The following COL25A1 variants were observed in gnomAD, a reference collection of about 807,000 sequenced individuals.
The protein encoded by COL25A1 is collagen alpha-1(XXV) chain.
COL25A1 carries 103 observed loss-of-function variants against 128.4 expected under a neutral mutation model. The observed-to-expected ratio is 0.80, with a 90% CI of 0.68 to 0.94. The LOEUF (loss-of-function observed/expected upper bound fraction) is 0.94, where lower values mean the gene tolerates loss of function less well. COL25A1 is among the 40% of genes least tolerant of loss of function. The probability of loss-of-function intolerance (pLI) is 0.00; values close to 1 mark genes in which losing one functional copy is unlikely to be tolerated. For missense variants in COL25A1, 745 were observed against 840.0 expected (o/e 0.89, Z 1.40); for synonymous variants, 279 against 277.2 (o/e 1.01, Z -0.06).
intron 3 of COL25A1, among the ~76,000 whole-genome samples, chr4:109,115,786 G>T (rs1399161962): frequency 6.6e-6 from 1 of 152,032 alleles, no homozygotes; most frequent in Non-Finnish European, 1.5e-5. Flanking sequence ...CTATCAATGT[G>T]AAAAGGAGAC....
chr4:108,914,513 A>C (rs1471716593), intron 13 of COL25A1, among the ~76,000 whole-genome samples: 1 of 152,150 alleles, frequency 6.6e-6, no homozygotes, highest in Non-Finnish European at 1.5e-5. Context: ...CTTAGTCCTT[A>C]GGGTCAGGGA....
intron 6 of COL25A1, among the ~76,000 whole-genome samples, chr4:109,001,372 C>CAGGCATCTGAGATCCTCTCAGGT (rs1755351011): frequency 4.1e-5 from 1 of 24,148 alleles, no homozygotes; most frequent in Non-Finnish European, 1.3e-4. Flanking sequence ...TTAAAAGAAA[C>CAGGCATCTGAGATCCTCTCAGGT]AGGCATCTGA....
chr4:109,141,406 G>T (rs956235139), intron 3 of COL25A1, among the ~76,000 whole-genome samples: 1 of 152,120 alleles, frequency 6.6e-6, no homozygotes, highest in South Asian at 2.1e-4. Flanking sequence ...TTTTTTGTGT[G>T]TGTCTCTGCC....
At chr4:109,064,528 G>C (rs1762247078) in intron 3 of COL25A1, among the ~76,000 whole-genome samples, 1 of 152,088 alleles carries the variant, frequency 6.6e-6, no homozygotes. Flanking sequence ...TAAAATCTGT[G>C]AAATCCATTC....
intron 11 of COL25A1, among the ~76,000 whole-genome samples, chr4:108,921,187 C>T (rs1368372226): frequency 2.0e-5 from 3 of 152,082 alleles, no homozygotes; most frequent in African/African-American, 7.2e-5. Context: ...GAAAAGGGAA[C>T]AAAAGATGCT....
At chr4:109,033,900 T>C (rs1238688219) in intron 5 of COL25A1, among the ~76,000 whole-genome samples, 1 of 152,132 alleles carries the variant, frequency 6.6e-6, no homozygotes, top group East Asian at 1.9e-4. Context: ...TAATGGTGAA[T>C]TATTTAAATA....
intron 3 of COL25A1, among the ~76,000 whole-genome samples, chr4:109,229,279 A>G (rs1470694946): frequency 6.6e-6 from 1 of 152,206 alleles, no homozygotes; most frequent in Non-Finnish European, 1.5e-5. Flanking sequence ...AGTGTATAAG[A>G]TTGCCACAAA....
At chr4:108,858,215 C>A (rs1303833747) in intron 24 of COL25A1, among the ~76,000 whole-genome samples, 1 of 151,956 alleles carries the variant, frequency 6.6e-6, no homozygotes, top group Non-Finnish European at 1.5e-5. Context: ...GGTTTCTGAG[C>A]AAATTAGAAC....
At chr4:108,915,590 C>G (rs142960623) in intron 13 of COL25A1, among the ~76,000 whole-genome samples, 123 of 151,920 alleles carry the variant, frequency 8.1e-4, no homozygotes, top group African/African-American at 3.0e-3. Context: ...TGCCATATTT[C>G]TTACTTTTTT....
chr4:109,183,917 C>A, intron 3 of COL25A1, among the ~76,000 whole-genome samples: 3 of 131,560 alleles, frequency 2.3e-5, no homozygotes, highest in Non-Finnish European at 1.6e-5. Flanking sequence ...AAACACACAC[C>A]AACTTCAAAA....
chr4:109,017,961 C>T (rs1757368994), intron 5 of COL25A1, among the ~76,000 whole-genome samples: 1 of 152,016 alleles, frequency 6.6e-6, no homozygotes, highest in East Asian at 1.9e-4. Context: ...TCCTTGCCAT[C>T]TAAAACAATC....
intron 3 of COL25A1, 27 bp from the exon 4 acceptor site, chr4:109,050,206 G>C (rs1213151518): frequency 6.3e-7 from 1 of 1,590,844 alleles, no homozygotes. Context: ...AATTTTTTTA[G>C]TGTAGTTTAA....
Position 108,947,857 on chromosome 4 carries a change from G to T in COL25A1, c.493-6420C>A, listed in dbSNP as rs528542362. ...GAGGTTGTTGGGCTATGGAGGAAAA[G>T]ATAATTATTTTAATTATGAAGAGTC... On this transcript the variant is annotated intron_variant, in intron 8 of 37. Coordinates refer to ENST00000399132, the MANE Select transcript of COL25A1 (RefSeq NM_198721.4). Among the ~76,000 whole-genome samples the T allele has an allele frequency of 4.7e-4, 71 of 152,208 alleles. 1 individual carries two copies. In the South Asian group the frequency reaches 0.014, roughly 30 times the overall value.
intron 6 of COL25A1, among the ~76,000 whole-genome samples, chr4:109,001,959 T>A (rs1185170951): frequency 1.3e-5 from 2 of 152,170 alleles, no homozygotes; most frequent in Non-Finnish European, 2.9e-5. Context: ...TATGAAAAGG[T>A]GCTCCACATC....
Position 108,899,150 on chromosome 4 carries a change from T to C in COL25A1, c.861+4A>G, listed in dbSNP as rs1275258902. On this transcript the variant is annotated splice_donor_region_variant and intron_variant, in intron 15 of 37. Coordinates refer to ENST00000399132, the MANE Select transcript of COL25A1 (RefSeq NM_198721.4). ...GAGAGAAATACAGGCAGAATCATTC[T>C]TACCTTTTCACCTTGTTCTCCAGGT... The C allele has an allele frequency of 6.2e-7, 1 of 1,609,626 alleles. No homozygotes were observed. Among genetic ancestry groups the C allele is most frequent in the East Asian group, 2.2e-5 (1 of 44,766 alleles).
At position 109,049,165 on chromosome 4, in the gene COL25A1, G is replaced by A. The variant is rs547874617; in HGVS notation, c.412+970C>T. Among the ~76,000 whole-genome samples the A allele has an allele frequency of 2.2e-4, 34 of 152,222 alleles. No individual in the cohort carries two copies. The South Asian group carries it at 4.1e-3, about 19-fold the overall frequency. On this transcript the variant is annotated intron_variant, in intron 4 of 37. Transcript: ENST00000399132. ...ACACATTAATCTGCTATCAGCTCTTGATAGGTTAATGTTTCTGTTTCAATA... is the reference window on the plus strand; with the variant it reads ...ACACATTAATCTGCTATCAGCTCTTAATAGGTTAATGTTTCTGTTTCAATA...
intron 3 of COL25A1, among the ~76,000 whole-genome samples, chr4:109,121,525 T>C (rs964313489): frequency 3.0e-4 from 46 of 152,080 alleles, no homozygotes; most frequent in African/African-American, 1.1e-3. Context: ...ATATGAAAAT[T>C]TCAGTGGCAT....
chr4:109,043,314 T>C (rs1011288309), intron 5 of COL25A1, among the ~76,000 whole-genome samples: 1 of 152,132 alleles, frequency 6.6e-6, no homozygotes, highest in Non-Finnish European at 1.5e-5. Flanking sequence ...CTAAAAGTTC[T>C]ACTGAGATTT....
chr4:108,995,583 G>A (rs1754688326), intron 6 of COL25A1, among the ~76,000 whole-genome samples: 1 of 152,146 alleles, frequency 6.6e-6, no homozygotes, highest in Admixed American at 6.6e-5. Context: ...AACCTAGCAA[G>A]GCAGGCCAAC....
Sources: gnomAD v4.1 joint callset for allele counts (sites outside exome capture counted in the v4.1 genomes callset) on GRCh38, gnomAD v4.1.1 for gene constraint, MANE v1.5 for transcripts, NCBI Gene and HGNC (gene_info 2026-07-23, HGNC 2026-07-21) for gene names.